The following ZSCAN5A variants were observed in gnomAD, a reference collection of about 807,000 sequenced individuals.
ZSCAN5A encodes zinc finger and SCAN domain containing 5A.
A neutral mutation model predicts 23.7 loss-of-function variants in ZSCAN5A; 12 were observed. That is an observed-to-expected ratio of 0.51 (90% confidence interval 0.32 to 0.82). The LOEUF (loss-of-function observed/expected upper bound fraction) is 0.82. Ranked by LOEUF, ZSCAN5A falls within the 40% of genes least tolerant of loss-of-function variation. The probability of loss-of-function intolerance (pLI) is 0.03; values close to 1 mark genes in which losing one functional copy is unlikely to be tolerated. For missense variants in ZSCAN5A, 597 were observed against 617.9 expected (o/e 0.97, Z 0.36); for synonymous variants, 257 against 239.9 (o/e 1.07, Z -0.66).
At chr19:56,289,772 C>A (rs1030035267) in intron 2 of ZSCAN5A, among the ~76,000 whole-genome samples, 4 of 152,122 alleles carry the variant, frequency 2.6e-5, no homozygotes, top group African/African-American at 9.7e-5. Context: ...CACCACCATA[C>A]CCAGCTAATA....
intron 2 of ZSCAN5A, among the ~76,000 whole-genome samples, chr19:56,232,108 C>T (rs571568763): frequency 5.3e-5 from 8 of 151,182 alleles, no homozygotes; most frequent in South Asian, 4.2e-4. Context: ...CTACCTCAGC[C>T]CCCCCAGGTG....
intron 2 of ZSCAN5A, among the ~76,000 whole-genome samples, chr19:56,247,764 T>C (rs2036042390): frequency 6.6e-6 from 1 of 152,216 alleles, no homozygotes; most frequent in African/African-American, 2.4e-5. Flanking sequence ...CGATCTCGGC[T>C]CACTGCCAGC....
chr19:56,358,351 C>A (rs1489649735), intron 2 of ZSCAN5A, among the ~76,000 whole-genome samples: 1 of 148,626 alleles, frequency 6.7e-6, no homozygotes, highest in Admixed American at 6.6e-5. Context: ...GGACTCCTGA[C>A]CTCAAGTGAT....
At chr19:56,276,015 A>G (rs1027258737) in intron 2 of ZSCAN5A, among the ~76,000 whole-genome samples, 1 of 152,074 alleles carries the variant, frequency 6.6e-6, no homozygotes, top group African/African-American at 2.4e-5. Context: ...TATTGCACTG[A>G]TCTGAGTCTA....
intron 2 of ZSCAN5A, among the ~76,000 whole-genome samples, chr19:56,307,571 CT>C (rs1376065815): frequency 6.6e-6 from 1 of 152,144 alleles, no homozygotes. Context: ...TCTTACGTTA[CT>C]CTCTTTTACC....
In ZSCAN5A at chr19:56,223,720, A is replaced by C. The variant is rs765594071; in HGVS notation, c.499T>G (p.Ser167Ala). The change falls in exon 4 of 6, where the codon TCC becomes GCC. Residue 167 changes from serine (S) to alanine (A), a missense_variant. By Grantham distance (99) the Ser-to-Ala change is moderately conservative. Transcript: ENST00000683990. Reference protein sequence around the residue: ...DLKDVSSQRASSVNQMRPGEG... With the variant: ...DLKDVSSQRAASVNQMRPGEG... Reference sequence around the variant, plus strand: ...CCTGGACGCATCTGGTTCACCGAGGAGGCCCGTTGGCTGGACACGTCTTTC... The same window carrying C: ...CCTGGACGCATCTGGTTCACCGAGGCGGCCCGTTGGCTGGACACGTCTTTC... 5.6e-6 allele frequency: 9 copies of C among 1,613,856 alleles called. No homozygotes were observed. Among genetic ancestry groups the C allele is most frequent in the African/African-American group, 5.3e-5 (4 of 74,958 alleles).
At chr19:56,276,686 C>T (rs566520143) in intron 2 of ZSCAN5A, among the ~76,000 whole-genome samples, 148 of 151,838 alleles carry the variant, frequency 9.7e-4, no homozygotes, top group African/African-American at 3.0e-3. Context: ...ACAGGCTGCG[C>T]GCCACCATGC....
At chr19:56,286,496 A>G (rs1289603015) in intron 2 of ZSCAN5A, 2 of 152,152 alleles carry the variant, frequency 1.3e-5, no homozygotes, top group East Asian at 3.9e-4. Flanking sequence ...AACTTGAAAA[A>G]GTTGCTTTAT....
At chr19:56,257,197 G>A (rs987314345) in intron 2 of ZSCAN5A, among the ~76,000 whole-genome samples, 2 of 152,172 alleles carry the variant, frequency 1.3e-5, no homozygotes, top group Non-Finnish European at 2.9e-5. Flanking sequence ...GCAGGAGAGC[G>A]GGGAACCAGG....
intron 2 of ZSCAN5A, chr19:56,284,904 GTT>G (rs1420288729): frequency 1.8e-6 from 1 of 558,178 alleles, no homozygotes; most frequent in Non-Finnish European, 2.3e-6. Context: ...CTGAAGAAGA[GTT>G]TGTTACATCT....
chr19:56,280,446 T>C (rs2038605863), intron 2 of ZSCAN5A, among the ~76,000 whole-genome samples: 1 of 152,236 alleles, frequency 6.6e-6, no homozygotes, highest in East Asian at 1.9e-4. Flanking sequence ...ATAGGATATA[T>C]ATCAATGTAG....
intron 2 of ZSCAN5A, among the ~76,000 whole-genome samples, chr19:56,357,216 T>C (rs2041705167): frequency 6.7e-6 from 1 of 148,398 alleles, no homozygotes; most frequent in Admixed American, 6.7e-5. Flanking sequence ...TAGTCACTGC[T>C]GTGTGTTAAC....
At chr19:56,245,615 C>G (rs542731506) in intron 2 of ZSCAN5A, among the ~76,000 whole-genome samples, 2 of 152,330 alleles carry the variant, frequency 1.3e-5, no homozygotes, top group East Asian at 3.9e-4. Context: ...TTCTCTCCAC[C>G]ATGAGAGCTT....
In ZSCAN5A at chr19:56,221,989, G is replaced by T. The variant is rs144472423; in HGVS notation, c.1077C>A (p.Asp359Glu). The part of the protein sequence containing the change: ...EAKALPPFAC[D>E]VCEKRFTCNS... ...TACACGTAAACCTCTTCTCGCACAC[G>T]TCACATGCAAAGGGCGGCAGTGCCT... Residue 359 changes from aspartate to glutamate, a missense_variant, in exon 6 of 6, where the codon GAC becomes GAA. Physicochemically the swap from Asp to Glu is conservative, Grantham distance 45. Transcript: ENST00000683990. 6.2e-7 allele frequency: 1 copy of T among 1,614,208 alleles called. No homozygotes were observed. The highest frequency in any genetic ancestry group is 8.5e-7 in the Non-Finnish European group (1 of 1,180,044).
chr19:56,266,291 C>G (rs1254759339), intron 2 of ZSCAN5A: 1 of 152,156 alleles, frequency 6.6e-6, no homozygotes, highest in East Asian at 1.9e-4. Flanking sequence ...GATCTAGGCC[C>G]TCATTCCAAA....
rs1243518159 is a variant in ZSCAN5A at position 56,221,633 on chromosome 19, C to A, written c.1433G>T (p.Ser478Ile). 5.6e-6 allele frequency: 9 copies of A among 1,612,990 alleles called. No homozygotes were observed. The highest frequency in any genetic ancestry group is 7.6e-6 in the Non-Finnish European group (9 of 1,179,542). Residue 478 changes from serine (S) to isoleucine (I), a missense_variant, in exon 6 of 6, where the codon AGT becomes ATT. By Grantham distance (142) the Ser-to-Ile change is moderately radical (BLOSUM62 -2). Around this residue, in one of 5 missense-constraint regions of ZSCAN5A, gnomAD observed 87 missense variants for 74.4 expected, o/e 1.17. Coordinates refer to ENST00000683990, the MANE Select transcript of ZSCAN5A (RefSeq NM_001322064.3). ...YKCSKCPRAF[S>I]RLKLLRRHQK... ...GTGGCGTCTTAACAATTTCAGCCGA[C>A]TGAAGGCTCTTGGACACTTGGAACA...
At chr19:56,257,226 A>G (rs1402283456) in intron 2 of ZSCAN5A, among the ~76,000 whole-genome samples, 2 of 152,200 alleles carry the variant, frequency 1.3e-5, no homozygotes, top group African/African-American at 4.8e-5. Flanking sequence ...AAGTTTGGAC[A>G]GAAGCAATGT....
At chr19:56,316,116 C>T (rs958806599), upstream of ZSCAN5A, 3 of 152,190 alleles carry the variant, frequency 2.0e-5, no homozygotes, top group Admixed American at 6.5e-5. Flanking sequence ...CCCTGTCATA[C>T]CAGTTGCTGT....
At chr19:56,251,532 C>T (rs1016848714) in intron 2 of ZSCAN5A, among the ~76,000 whole-genome samples, 2 of 150,784 alleles carry the variant, frequency 1.3e-5, no homozygotes, top group African/African-American at 5.0e-5. Context: ...TGGCCTGCTA[C>T]CTTCAATAGC....
Sources: gnomAD v4.1 joint callset for allele counts (sites outside exome capture counted in the v4.1 genomes callset) on GRCh38, gnomAD v4.1.1 for gene constraint, gnomAD v4.1.1 regional missense constraint, MANE v1.5 for transcripts, NCBI Gene and HGNC (gene_info 2026-07-23, HGNC 2026-07-21) for gene names.